The following SPAG16 variants were observed in gnomAD, a reference collection of about 807,000 sequenced individuals.
SPAG16 encodes sperm-associated antigen 16 protein.
Under a neutral mutation model 80.4 loss-of-function variants are expected in SPAG16, and 86 were observed. The ratio of observed to expected loss-of-function variants is 1.07; its 90% confidence interval spans 0.90 to 1.28. The LOEUF (loss-of-function observed/expected upper bound fraction) is 1.28, where lower values mean the gene tolerates loss of function less well. SPAG16 is among the 50% of genes most tolerant of loss of function. The pLI, the probability that SPAG16 is intolerant of heterozygous loss-of-function variation, is 0.00. For synonymous variants in SPAG16, 294 were observed against 265.9 expected (o/e 1.11, Z -1.03); for missense variants, 870 against 765.3 (o/e 1.14, Z -1.61).
At chr2:214,152,236 G>A (rs1010699546) in intron 15 of SPAG16, among the ~76,000 whole-genome samples, 3 of 152,020 alleles carry the variant, frequency 2.0e-5, no homozygotes, top group Non-Finnish European at 2.9e-5. Context: ...AAGTATATAT[G>A]TACTAATAAA....
chr2:213,359,033 G>A (rs763590473), intron 7 of SPAG16, among the ~76,000 whole-genome samples: 4 of 152,152 alleles, frequency 2.6e-5, no homozygotes, highest in Non-Finnish European at 4.4e-5. Flanking sequence ...GGTCTGTTGG[G>A]GTTTGCTGGA....
Position 213,336,856 on chromosome 2 carries a change from C to T in SPAG16, c.537-3307C>T, listed in dbSNP as rs527631983. On this transcript the variant is annotated intron_variant, in intron 5 of 15. Coordinates refer to ENST00000331683, the MANE Select transcript of SPAG16 (RefSeq NM_024532.5). ...CCCAGATGAGGGTGCAGCACACCCGCTCCACCAAGGGGCAGCCAGACTGCT... is the reference window on the plus strand; with the variant it reads ...CCCAGATGAGGGTGCAGCACACCCGTTCCACCAAGGGGCAGCCAGACTGCT... 8.5e-5 allele frequency among the ~76,000 whole-genome samples: 13 copies of T among 152,286 alleles called. No individual in the cohort carries two copies. In the East Asian group the frequency reaches 2.5e-3, roughly 29 times the overall value.
At chr2:213,375,671 G>A (rs1345702587) in intron 9 of SPAG16, among the ~76,000 whole-genome samples, 2 of 151,980 alleles carry the variant, frequency 1.3e-5, no homozygotes, top group Admixed American at 6.6e-5. Context: ...CCTGTGAAGA[G>A]TTTAGTTTAT....
At chr2:213,949,179 T>TTTG (rs1553677654) in intron 12 of SPAG16, among the ~76,000 whole-genome samples, 2 of 36,244 alleles carry the variant, frequency 5.5e-5, no homozygotes, top group Non-Finnish European at 1.1e-4. Context: ...GTTTTTTTTT[T>TTTG]TTTTTTTTTT....
chr2:213,412,852 G>A (rs938370801), intron 9 of SPAG16, among the ~76,000 whole-genome samples: 1 of 152,042 alleles, frequency 6.6e-6, no homozygotes. Context: ...TGTCATAAAG[G>A]AAAGATTTAA....
At chr2:214,278,640 T>C (rs1357262586) in intron 15 of SPAG16, among the ~76,000 whole-genome samples, 1 of 152,182 alleles carries the variant, frequency 6.6e-6, no homozygotes, top group Non-Finnish European at 1.5e-5. Context: ...AAAAAACTTA[T>C]TTTCTGGTAA....
At chr2:213,368,869 C>T (rs1000690315) in intron 8 of SPAG16, among the ~76,000 whole-genome samples, 4 of 152,130 alleles carry the variant, frequency 2.6e-5, no homozygotes, top group African/African-American at 7.2e-5. Flanking sequence ...ATGTGAAGGA[C>T]GTCTTCAAGG....
At chr2:213,777,890 GT>G in intron 10 of SPAG16, among the ~76,000 whole-genome samples, 1 of 151,872 alleles carries the variant, frequency 6.6e-6, no homozygotes, top group South Asian at 2.1e-4. Flanking sequence ...TGCACTCCAA[GT>G]TTTTTTTACA....
At chr2:214,131,920 A>C (rs1385931903) in intron 14 of SPAG16, among the ~76,000 whole-genome samples, 1 of 152,126 alleles carries the variant, frequency 6.6e-6, no homozygotes, top group South Asian at 2.1e-4. Flanking sequence ...AGTGAACCCT[A>C]ATGTAAACTG....
chr2:213,783,319 A>T (rs1375634519), intron 10 of SPAG16, among the ~76,000 whole-genome samples: 4 of 948 alleles, frequency 4.2e-3, no homozygotes, highest in South Asian at 0.5. Flanking sequence ...GAGTATAATA[A>T]AAAAAAAAAA....
At chr2:213,988,986 T>C (rs139702415) in intron 12 of SPAG16, among the ~76,000 whole-genome samples, 1 of 152,250 alleles carries the variant, frequency 6.6e-6, no homozygotes, top group African/African-American at 2.4e-5. Context: ...GCTATGGAAG[T>C]AGGCAGTGCA....
intron 9 of SPAG16, among the ~76,000 whole-genome samples, chr2:213,440,511 C>T (rs369502780): frequency 4.9e-4 from 74 of 152,232 alleles, no homozygotes; most frequent in Non-Finnish European, 6.6e-4. Context: ...GCCAAGATTG[C>T]GCCACTGTGC....
At chr2:214,170,912 T>C (rs553209791) in intron 15 of SPAG16, among the ~76,000 whole-genome samples, 2 of 152,060 alleles carry the variant, frequency 1.3e-5, no homozygotes, top group Non-Finnish European at 2.9e-5. Context: ...TATAAACTCA[T>C]ACCACCTTCA....
chr2:213,648,393 A>G (rs2062900975), intron 10 of SPAG16, among the ~76,000 whole-genome samples: 2 of 152,222 alleles, frequency 1.3e-5, no homozygotes, highest in Admixed American at 1.3e-4. Flanking sequence ...ATTGGGTTCC[A>G]TCTGCCACAC....
At chr2:214,059,742 A>C (rs910229521) in intron 13 of SPAG16, among the ~76,000 whole-genome samples, 2 of 125,102 alleles carry the variant, frequency 1.6e-5, no homozygotes, top group Non-Finnish European at 3.6e-5. Context: ...ATACCCTTTA[A>C]GGTTATTTTT....
chr2:213,441,619 C>CT (rs1336174735), intron 9 of SPAG16, among the ~76,000 whole-genome samples: 1 of 152,102 alleles, frequency 6.6e-6, no homozygotes, highest in Non-Finnish European at 1.5e-5. Context: ...GATTTGTGCA[C>CT]TTTTTTCTGT....
rs1490276817 is a variant in SPAG16, at chr2:214,012,550, C to T, written c.1401-1401C>T. Among the ~76,000 whole-genome samples the T allele has an allele frequency of 2.6e-5, 4 of 151,704 alleles. No individual in the cohort carries two copies. In the East Asian group the frequency reaches 7.8e-4, roughly 29 times the overall value. On this transcript the variant is annotated intron_variant, in intron 12 of 15. Transcript: ENST00000331683. The stretch of plus-strand genomic sequence containing the variant: ...ACTTCAGGTGGTCTCCTGCCTCGGC[C>T]TCCCAAAGTGGTTGGATTACTGACT...
intron 9 of SPAG16, among the ~76,000 whole-genome samples, chr2:213,435,343 C>T (rs925290784): frequency 6.6e-6 from 1 of 152,014 alleles, no homozygotes; most frequent in Non-Finnish European, 1.5e-5. Context: ...TGTATGCACA[C>T]GTACATAGTG....
Position 213,472,507 on chromosome 2 carries a change from C to T in SPAG16, c.943-17456C>T, listed in dbSNP as rs186864908. On this transcript the variant is annotated intron_variant, in intron 9 of 15. Transcript: ENST00000331683. The stretch of plus-strand genomic sequence containing the variant: ...AGTCCTTGATGGTGGCACTAATCTC[C>T]GCAGTCCCTCCAGGGATATGGTATT... 1.3e-4 allele frequency among the ~76,000 whole-genome samples: 20 copies of T among 152,268 alleles called. 1 individual carries two copies. Among genetic ancestry groups the T allele is most frequent in the South Asian group, 1.2e-3 (6 of 4,818 alleles).
Sources: allele counts gnomAD v4.1 joint callset (sites outside exome capture counted in the v4.1 genomes callset), GRCh38; gene constraint gnomAD v4.1.1; transcripts MANE v1.5; gene names NCBI Gene and HGNC (gene_info 2026-07-23, HGNC 2026-07-21).